Variants in CDH4 observed in about 807,000 individuals in gnomAD.
CDH4 encodes cadherin-4.
In CDH4, 33 loss-of-function variants were observed where a neutral mutation model predicts 86.0. That is an observed-to-expected ratio of 0.38 (90% CI 0.29 to 0.51). The LOEUF (loss-of-function observed/expected upper bound fraction) is 0.51. CDH4 is among the 20% of genes least tolerant of loss of function. CDH4 has a pLI of 0.86. For missense variants in CDH4, 1,114 were observed against 1,307.4 expected (o/e 0.85, Z 2.28); for synonymous variants, 555 against 549.4 (o/e 1.01, Z -0.14).
At chr20:61,352,245 GTCTT>G (rs1257440117) in intron 2 of CDH4, among the ~76,000 whole-genome samples, 1 of 152,100 alleles carries the variant, frequency 6.6e-6, no homozygotes, top group African/African-American at 2.4e-5. Flanking sequence ...TGCAAAGTTT[GTCTT>G]TCTGTCCTGC....
intron 4 of CDH4, among the ~76,000 whole-genome samples, chr20:61,842,525 G>A (rs191124897): frequency 9.3e-4 from 142 of 152,296 alleles, no homozygotes; most frequent in African/African-American, 3.1e-3. Flanking sequence ...TGTGTTCTCT[G>A]CTAGTCAAGT....
chr20:61,926,187 C>T (rs1023671963), intron 11 of CDH4, among the ~76,000 whole-genome samples: 3 of 152,292 alleles, frequency 2.0e-5, no homozygotes, highest in Non-Finnish European at 4.4e-5. Context: ...CCAGGGGCTC[C>T]GCTCTGAGGA....
chr20:61,511,681 G>A lies in CDH4; in HGVS notation c.170-231882G>A, dbSNP rs1184126586. Among the ~76,000 whole-genome samples, 7 of 152,228 alleles carry A rather than the reference G, an allele frequency of 4.6e-5. No individual in the cohort carries two copies. The East Asian group carries it at 1.3e-3, about 29-fold the overall frequency. On this transcript the variant is annotated intron_variant, in intron 2 of 15. Coordinates refer to ENST00000614565, the MANE Select transcript of CDH4 (RefSeq NM_001794.5). The stretch of plus-strand genomic sequence containing the variant: ...TTTCTAGATGGAGAAAGAAAGACGA[G>A]AGAGAAGATGTTCATGTTTGGCGAG...
At chr20:61,463,222 A>G (rs1292385014) in intron 2 of CDH4, among the ~76,000 whole-genome samples, 1 of 152,150 alleles carries the variant, frequency 6.6e-6, no homozygotes. Context: ...TCTTCCCTTT[A>G]TAAATTGCCC....
intron 2 of CDH4, among the ~76,000 whole-genome samples, chr20:61,724,901 A>C (rs1238524955): frequency 6.6e-6 from 1 of 152,220 alleles, no homozygotes; most frequent in Non-Finnish European, 1.5e-5. Flanking sequence ...GCTTGAGCCC[A>C]GAAGTTCAAG....
chr20:61,686,454 TGTGTGTGCATTTGC>T (rs1464289297), intron 2 of CDH4, among the ~76,000 whole-genome samples: 4 of 149,534 alleles, frequency 2.7e-5, no homozygotes, highest in Non-Finnish European at 5.9e-5. Flanking sequence ...TGTGCATTCG[TGTGTGTGCATTTGC>T]GTGTATATGT....
intron 2 of CDH4, among the ~76,000 whole-genome samples, chr20:61,545,978 G>T (rs2086078511): frequency 8.3e-6 from 1 of 120,846 alleles, no homozygotes; most frequent in Non-Finnish European, 1.7e-5. Context: ...GTGTGTGTGT[G>T]TGTGGAGGGG....
intron 2 of CDH4, among the ~76,000 whole-genome samples, chr20:61,587,551 G>A (rs2086487834): frequency 1.3e-5 from 2 of 152,166 alleles, no homozygotes; most frequent in Middle Eastern, 3.4e-3. Context: ...GTTCCAGGCC[G>A]AGCGCGGGGA....
chr20:61,820,937 A>C (rs1159241585), intron 4 of CDH4, among the ~76,000 whole-genome samples: 1 of 152,040 alleles, frequency 6.6e-6, no homozygotes, highest in East Asian at 1.9e-4. Context: ...TGAAATAAAA[A>C]TCCTTAAAAT....
rs2084876934 is a variant in CDH4 at position 61,377,160 on chromosome 20, T to C, written c.169+122223T>C. 6.6e-6 allele frequency among the ~76,000 whole-genome samples: 1 copy of C among 152,112 alleles called. No homozygotes were observed. The highest frequency in any genetic ancestry group is 1.5e-5 in the Non-Finnish European group (1 of 68,022). On this transcript the variant is annotated intron_variant, in intron 2 of 15. Coordinates refer to ENST00000614565, the MANE Select transcript of CDH4 (RefSeq NM_001794.5). This position sits in a 1 kb window ranked among gnomAD's most constrained non-coding sequence, Gnocchi z 4.0. ...AAGTGACATATTCTGCAAGCAGGGCTCGGCAATTATTGAAGAGTTGGCGGC... is the reference window on the plus strand; with the variant it reads ...AAGTGACATATTCTGCAAGCAGGGCCCGGCAATTATTGAAGAGTTGGCGGC...
chr20:61,511,038 G>A (rs1483534825), intron 2 of CDH4, among the ~76,000 whole-genome samples: 1 of 152,116 alleles, frequency 6.6e-6, no homozygotes, highest in Non-Finnish European at 1.5e-5. Flanking sequence ...TCACCAAGGG[G>A]GATGGCCCAT....
At chr20:61,642,534 G>C (rs2087021295) in intron 2 of CDH4, among the ~76,000 whole-genome samples, 1 of 152,228 alleles carries the variant, frequency 6.6e-6, no homozygotes. Flanking sequence ...TTTACTTGGA[G>C]CACAACAGGA....
chr20:61,532,793 G>A (rs974322233), intron 2 of CDH4, among the ~76,000 whole-genome samples: 8 of 152,182 alleles, frequency 5.3e-5, no homozygotes, highest in African/African-American at 1.7e-4. Context: ...TGAAAGGCAT[G>A]TGATGAGTTT....
chr20:61,343,147 G>A (rs768218940), intron 2 of CDH4, among the ~76,000 whole-genome samples: 11 of 152,354 alleles, frequency 7.2e-5, no homozygotes, highest in Non-Finnish European at 1.2e-4. Flanking sequence ...ATGCTCATTC[G>A]TGCTGTGGCT....
chr20:61,735,208 G>A (rs1246364701), intron 2 of CDH4, among the ~76,000 whole-genome samples: 2 of 152,174 alleles, frequency 1.3e-5, no homozygotes, highest in Non-Finnish European at 2.9e-5. Flanking sequence ...GGCCCCGTGG[G>A]CACAGAGCTC....
chr20:61,365,909 TG>T (rs1272839849), intron 2 of CDH4, among the ~76,000 whole-genome samples: 2 of 152,176 alleles, frequency 1.3e-5, no homozygotes, highest in Non-Finnish European at 2.9e-5. Flanking sequence ...CCACACAGGC[TG>T]GGAGTGTTGA....
At position 61,663,379 on chromosome 20, in the gene CDH4, CCT is replaced by C. The variant is rs752697666; in HGVS notation, c.170-80179_170-80178del. On this transcript the variant is annotated intron_variant, in intron 2 of 15. Coordinates refer to ENST00000614565, the MANE Select transcript of CDH4 (RefSeq NM_001794.5). This position sits in a 1 kb window ranked among gnomAD's most constrained non-coding sequence, Gnocchi z 5.0. ...GCTGCTGCGGACAAGCGTTGGGAGG[CCT>C]CTCTGAGGAGGCAGTGTTTGCGCTG... 4.6e-5 allele frequency among the ~76,000 whole-genome samples: 7 copies of C among 152,190 alleles called. No individual in the cohort carries two copies. The highest frequency in any genetic ancestry group is 1.7e-4 in the African/African-American group (7 of 41,458).
At chr20:61,534,044 G>A (rs769700517) in intron 2 of CDH4, among the ~76,000 whole-genome samples, 1 of 152,120 alleles carries the variant, frequency 6.6e-6, no homozygotes, top group Non-Finnish European at 1.5e-5. Context: ...TAACATATTC[G>A]GCAATAGGCA....
At chr20:61,354,699 C>T (rs541028976) in intron 2 of CDH4, among the ~76,000 whole-genome samples, 1 of 152,360 alleles carries the variant, frequency 6.6e-6, no homozygotes, top group African/African-American at 2.4e-5. Flanking sequence ...GGGGCCTGCC[C>T]ACCACATTGC....
Sources: gnomAD v4.1 joint callset for allele counts (sites outside exome capture counted in the v4.1 genomes callset) on GRCh38, gnomAD v4.1.1 for gene constraint, Gnocchi (gnomAD v3.1) non-coding constraint, MANE v1.5 for transcripts, NCBI Gene and HGNC (gene_info 2026-07-23, HGNC 2026-07-21) for gene names.